Variants in ROBO1 observed in about 807,000 individuals in gnomAD.
ROBO1 encodes the protein roundabout guidance receptor 1, also known as roundabout homolog 1.
ROBO1 carries 149 observed loss-of-function variants against 195.9 expected under a neutral mutation model. That is an observed-to-expected ratio of 0.76 (90% CI 0.67 to 0.87). The LOEUF (loss-of-function observed/expected upper bound fraction) is 0.87. ROBO1 is among the 40% of genes least tolerant of loss of function. The pLI, the probability that ROBO1 is intolerant of heterozygous loss-of-function variation, is 0.00. For missense variants in ROBO1, 1,933 were observed against 2,068.3 expected (o/e 0.93, Z 1.27); for synonymous variants, 816 against 733.2 (o/e 1.11, Z -1.82).
Position 79,166,450 on chromosome 3 carries a change from A to G in ROBO1, c.89-40911T>C, listed in dbSNP as rs182619087. Among the ~76,000 whole-genome samples the G allele has an allele frequency of 5.3e-5, 8 of 152,260 alleles. No homozygotes were observed. In the East Asian group the frequency reaches 1.5e-3, roughly 29 times the overall value. Reference sequence around the variant, plus strand: ...CTTAAGAAATCCTCTTTTTAGAAATAATTTAGAGACAAATACATTATATAT... The same window carrying G: ...CTTAAGAAATCCTCTTTTTAGAAATGATTTAGAGACAAATACATTATATAT... On this transcript the variant is annotated intron_variant, in intron 2 of 30. Transcript: ENST00000464233.
chr3:78,821,022 G>A (rs926784573), intron 4 of ROBO1, among the ~76,000 whole-genome samples: 1 of 152,130 alleles, frequency 6.6e-6, no homozygotes, highest in African/African-American at 2.4e-5. Context: ...AAGCCAGTTA[G>A]TTCATTTCTC....
intron 1 of ROBO1, among the ~76,000 whole-genome samples, chr3:79,752,546 G>A (rs1245343479): frequency 6.6e-6 from 1 of 152,172 alleles, no homozygotes; most frequent in Non-Finnish European, 1.5e-5. Context: ...AGGTGAGGAA[G>A]AAAGGTGTGT....
At chr3:78,834,904 T>G (rs2032568979) in intron 4 of ROBO1, among the ~76,000 whole-genome samples, 1 of 152,166 alleles carries the variant, frequency 6.6e-6, no homozygotes, top group African/African-American at 2.4e-5. Flanking sequence ...TAGACATAAG[T>G]ATTTTTCTAC....
intron 1 of ROBO1, among the ~76,000 whole-genome samples, chr3:79,612,823 G>A (rs1368779624): frequency 4.3e-3 from 1 of 232 alleles, no homozygotes; most frequent in Non-Finnish European, 0.01. Context: ...CTGCATAAAT[G>A]TCTTCTTTTG....
At chr3:79,627,055 T>C (rs1008624003) in intron 1 of ROBO1, among the ~76,000 whole-genome samples, 1 of 152,142 alleles carries the variant, frequency 6.6e-6, no homozygotes, top group African/African-American at 2.4e-5. Flanking sequence ...ATCAATATTG[T>C]CAAAATGGCC....
chr3:78,864,665 A>C (rs185940836), intron 4 of ROBO1, among the ~76,000 whole-genome samples: 77 of 152,118 alleles, frequency 5.1e-4, no homozygotes, highest in Non-Finnish European at 9.1e-4. Context: ...ATGAGAATTT[A>C]TACCTCTCAT....
At chr3:78,936,009 A>G (rs1358345886) in intron 4 of ROBO1, among the ~76,000 whole-genome samples, 1 of 152,050 alleles carries the variant, frequency 6.6e-6, no homozygotes, top group Non-Finnish European at 1.5e-5. Flanking sequence ...GCAGCAAAAC[A>G]TTAACCAATA....
chr3:79,062,184 A>C (rs909706970), intron 3 of ROBO1, among the ~76,000 whole-genome samples: 1 of 152,148 alleles, frequency 6.6e-6, no homozygotes, highest in Non-Finnish European at 1.5e-5. Context: ...AAAAGTGGGC[A>C]AATGATATGA....
At chr3:79,285,993 A>G (rs983045258) in intron 2 of ROBO1, among the ~76,000 whole-genome samples, 7 of 152,186 alleles carry the variant, frequency 4.6e-5, no homozygotes, top group Non-Finnish European at 8.8e-5. Context: ...CATTATTTGA[A>G]GTCTATTCTG....
chr3:78,789,609 G>T (rs1000845695), intron 4 of ROBO1, among the ~76,000 whole-genome samples: 2 of 152,126 alleles, frequency 1.3e-5, no homozygotes, highest in African/African-American at 4.8e-5. Flanking sequence ...AATTATGAAT[G>T]ATCTACTCTT....
At chr3:78,885,051 T>C (rs1334704579) in intron 4 of ROBO1, among the ~76,000 whole-genome samples, 2 of 152,056 alleles carry the variant, frequency 1.3e-5, no homozygotes, top group African/African-American at 4.8e-5. Context: ...TCATTAAGAA[T>C]TCTGAGCATT....
chr3:79,327,567 T>C (rs976179536), intron 2 of ROBO1, among the ~76,000 whole-genome samples: 5 of 151,944 alleles, frequency 3.3e-5, no homozygotes, highest in Admixed American at 3.3e-4. Context: ...TAACTGAAGA[T>C]AGATTCCTCA....
intron 3 of ROBO1, among the ~76,000 whole-genome samples, chr3:79,101,325 ACT>A (rs1445885593): frequency 4.6e-5 from 7 of 151,710 alleles, no homozygotes; most frequent in Non-Finnish European, 8.8e-5. Flanking sequence ...GACAGCGCAA[ACT>A]CTTATTAACA....
At chr3:79,545,854 G>A (rs1382726230) in intron 2 of ROBO1, among the ~76,000 whole-genome samples, 1 of 152,120 alleles carries the variant, frequency 6.6e-6, no homozygotes, top group Non-Finnish European at 1.5e-5. Context: ...GCCCAGGAGG[G>A]TTTAGAGTTA....
intron 3 of ROBO1, among the ~76,000 whole-genome samples, chr3:78,939,628 G>T (rs1301074303): frequency 1.5e-5 from 2 of 137,406 alleles, no homozygotes; most frequent in East Asian, 4.1e-4. Flanking sequence ...AAAAAAAAAA[G>T]AAAAAAGAAA....
At chr3:79,021,790 A>G (rs1164042728) in intron 3 of ROBO1, among the ~76,000 whole-genome samples, 1 of 151,008 alleles carries the variant, frequency 6.6e-6, no homozygotes, top group Non-Finnish European at 1.5e-5. Context: ...CCTCCCAAGT[A>G]GCTGGGACTA....
intron 2 of ROBO1, among the ~76,000 whole-genome samples, chr3:79,173,326 G>A (rs1425439391): frequency 6.6e-6 from 1 of 152,184 alleles, no homozygotes; most frequent in East Asian, 1.9e-4. Context: ...CAGCTTGCGG[G>A]GAGGTGTGGA....
intron 4 of ROBO1, among the ~76,000 whole-genome samples, chr3:78,856,517 C>T (rs543846248): frequency 3.1e-4 from 47 of 151,822 alleles, no homozygotes; most frequent in African/African-American, 1.1e-3. Context: ...TAAGGACATG[C>T]AATTAATTCT....
intron 1 of ROBO1, among the ~76,000 whole-genome samples, chr3:79,653,565 T>C (rs1303916457): frequency 6.6e-6 from 1 of 152,010 alleles, no homozygotes; most frequent in African/African-American, 2.4e-5. Context: ...GGCTTTTGAG[T>C]ATCATTTCAA....
Sources: gnomAD v4.1 joint callset for allele counts (sites outside exome capture counted in the v4.1 genomes callset) on GRCh38, gnomAD v4.1.1 for gene constraint, MANE v1.5 for transcripts, NCBI Gene and HGNC (gene_info 2026-07-23, HGNC 2026-07-21) for gene names.